The following IPMK variants were observed in gnomAD, a reference collection of about 807,000 sequenced individuals.
IPMK encodes inositol 1,3,4,6-tetrakisphosphate 5-kinase.
IPMK carries 17 observed loss-of-function variants against 45.8 expected under a neutral mutation model. The observed-to-expected ratio is 0.37, with a 90% confidence interval of 0.25 to 0.56. IPMK has a LOEUF of 0.56. IPMK is among the 20% of genes least tolerant of loss of function. IPMK has a pLI of 0.79. For missense variants in IPMK, 399 were observed against 498.0 expected (o/e 0.80, Z 1.89); for synonymous variants, 180 against 184.3 (o/e 0.98, Z 0.19).
In IPMK at chr10:58,255,233, C is replaced by T. The variant is rs534938976; in HGVS notation, c.190+12189G>A. On this transcript the variant is annotated intron_variant, in intron 1 of 5. Coordinates refer to ENST00000373935, the MANE Select transcript of IPMK (RefSeq NM_152230.5). Reference sequence around the variant, plus strand: ...CTGCAATCACTGACCCACTTTTGTTCCCAATACACTCCAGTTGGTTCAGCC... The same window carrying T: ...CTGCAATCACTGACCCACTTTTGTTTCCAATACACTCCAGTTGGTTCAGCC... Among the ~76,000 whole-genome samples, 5 of 152,348 alleles carry T rather than the reference C, an allele frequency of 3.3e-5. No individual in the cohort carries two copies. In the South Asian group the frequency reaches 1.0e-3, roughly 32 times the overall value.
At chr10:58,250,232 AT>A (rs1344899456) in intron 1 of IPMK, among the ~76,000 whole-genome samples, 1 of 152,090 alleles carries the variant, frequency 6.6e-6, no homozygotes, top group Non-Finnish European at 1.5e-5. Context: ...GTCTTTGGTG[AT>A]TTGATAGGGA....
chr10:58,234,281 A>C lies in IPMK; in HGVS notation c.276+3448T>G, dbSNP rs926892054. 5.1e-4 allele frequency among the ~76,000 whole-genome samples: 78 copies of C among 152,272 alleles called. 2 individuals are homozygous for C. The highest frequency in any genetic ancestry group is 8.3e-4 in the South Asian group (4 of 4,822). ...TTCAATGTCATCCTCATCAAGCTAC[A>C]AATGACTTTCTTCACAGAATTGGAA... On this transcript the variant is annotated intron_variant, in intron 2 of 5. Transcript: ENST00000373935.
chr10:58,214,033 A>T (rs138740361), intron 4 of IPMK, among the ~76,000 whole-genome samples: 344 of 152,350 alleles, frequency 2.3e-3, no homozygotes, highest in African/African-American at 7.9e-3. Context: ...GTTGGAAAGC[A>T]AAGCAGGTTA....
At chr10:58,198,381 T>C (rs1225150495) in intron 5 of IPMK, among the ~76,000 whole-genome samples, 1 of 152,252 alleles carries the variant, frequency 6.6e-6, no homozygotes, top group African/African-American at 2.4e-5. Context: ...ATTTGATTTC[T>C]GCTTTCAAAT....
intron 3 of IPMK, among the ~76,000 whole-genome samples, chr10:58,222,828 C>T (rs1207195434): frequency 1.3e-5 from 2 of 152,104 alleles, no homozygotes; most frequent in Non-Finnish European, 2.9e-5. Flanking sequence ...TGTTTTCATG[C>T]CCAAAATATT....
intron 1 of IPMK, among the ~76,000 whole-genome samples, chr10:58,258,643 A>G (rs1839010313): frequency 6.6e-6 from 1 of 152,168 alleles, no homozygotes; most frequent in Admixed American, 6.5e-5. Context: ...TTCACAATGG[A>G]AATTAGAAAG....
intron 4 of IPMK, among the ~76,000 whole-genome samples, chr10:58,212,059 T>C (rs1296666763): frequency 3.3e-5 from 5 of 152,140 alleles, no homozygotes; most frequent in African/African-American, 7.2e-5. Flanking sequence ...ACTACTTCCA[T>C]TGTAGGTGAT....
At chr10:58,248,616 C>G (rs758137521) in intron 1 of IPMK, among the ~76,000 whole-genome samples, 20 of 152,032 alleles carry the variant, frequency 1.3e-4, no homozygotes, top group Non-Finnish European at 2.4e-4. Context: ...TATAATCACC[C>G]TATCGTGCTA....
chr10:58,207,229 T>G (rs1297422048), intron 4 of IPMK, among the ~76,000 whole-genome samples: 1 of 152,214 alleles, frequency 6.6e-6, no homozygotes, highest in Admixed American at 6.5e-5. Context: ...GGTCTCGATC[T>G]CCTGACCTTG....
intron 1 of IPMK, among the ~76,000 whole-genome samples, chr10:58,244,025 C>T (rs1351020153): frequency 7.9e-5 from 12 of 151,156 alleles, no homozygotes; most frequent in African/African-American, 2.2e-4. Flanking sequence ...CCGGCTGCCC[C>T]GCCTGGGAAG....
chr10:58,196,835 A>T, intron 5 of IPMK, 137 bp from the exon 6 acceptor site: 2 of 653,620 alleles, frequency 3.1e-6, no homozygotes, highest in Non-Finnish European at 5.1e-6. Flanking sequence ...CTAGAATTCT[A>T]AGAATTCTAG....
intron 4 of IPMK, among the ~76,000 whole-genome samples, chr10:58,200,693 T>C (rs1837984034): frequency 6.6e-6 from 1 of 152,234 alleles, no homozygotes; most frequent in Admixed American, 6.5e-5. Flanking sequence ...TCATACCTGA[T>C]ATCTTATGTC....
At chr10:58,200,211 G>A (rs555939846) in intron 4 of IPMK, among the ~76,000 whole-genome samples, 6 of 152,118 alleles carry the variant, frequency 3.9e-5, no homozygotes, top group African/African-American at 9.6e-5. Flanking sequence ...CCCTGCCTCC[G>A]GGATTCAAGT....
At chr10:58,250,984 T>C (rs1838872139) in intron 1 of IPMK, among the ~76,000 whole-genome samples, 1 of 152,218 alleles carries the variant, frequency 6.6e-6, no homozygotes, top group Admixed American at 6.5e-5. Context: ...GTTTCTTGAT[T>C]TGCCATAGTA....
intron 1 of IPMK, among the ~76,000 whole-genome samples, chr10:58,265,005 A>C (rs1839129053): frequency 6.6e-6 from 1 of 152,178 alleles, no homozygotes; most frequent in Non-Finnish European, 1.5e-5. Flanking sequence ...TTTTTCCTAA[A>C]AGATCCGTGT....
intron 4 of IPMK, among the ~76,000 whole-genome samples, chr10:58,199,690 C>T (rs556525666): frequency 5.3e-5 from 8 of 152,184 alleles, no homozygotes; most frequent in African/African-American, 1.9e-4. Context: ...ATATTATTAT[C>T]ATCTAATATT....
intron 4 of IPMK, among the ~76,000 whole-genome samples, chr10:58,199,653 C>T (rs1278199449): frequency 1.3e-5 from 2 of 152,052 alleles, no homozygotes; most frequent in Non-Finnish European, 2.9e-5. Context: ...GAAGCCTTCA[C>T]AAAAATATTT....
At chr10:58,233,949 T>C (rs986449129) in intron 2 of IPMK, among the ~76,000 whole-genome samples, 1 of 152,162 alleles carries the variant, frequency 6.6e-6, no homozygotes, top group Admixed American at 6.6e-5. Flanking sequence ...CTTAAGCTAA[T>C]AAGCAACTTC....
At chr10:58,240,096 A>G (rs1426849700) in intron 1 of IPMK, among the ~76,000 whole-genome samples, 1 of 152,208 alleles carries the variant, frequency 6.6e-6, no homozygotes, top group African/African-American at 2.4e-5. Context: ...TGACCAAGTC[A>G]TTGTAATTAG....
Sources: allele counts gnomAD v4.1 joint callset (sites outside exome capture counted in the v4.1 genomes callset), GRCh38; gene constraint gnomAD v4.1.1; transcripts MANE v1.5; gene names NCBI Gene and HGNC (gene_info 2026-07-23, HGNC 2026-07-21).